The following PRR3 variants were observed in gnomAD, a reference collection of about 807,000 sequenced individuals.
PRR3 encodes proline-rich protein 3.
A neutral mutation model predicts 22.4 loss-of-function variants in PRR3; 16 were observed. The observed-to-expected ratio is 0.71, with a 90% confidence interval of 0.48 to 1.09. PRR3 has a LOEUF of 1.09. Among genes scored for constraint, PRR3 ranks in the 50% least tolerant of loss-of-function variants. The pLI, the probability that PRR3 is intolerant of heterozygous loss-of-function variation, is 0.00. For missense variants in PRR3, 224 were observed against 243.4 expected (o/e 0.92, Z 0.53); for synonymous variants, 87 against 88.6 (o/e 0.98, Z 0.10).
At chr6:30,557,181 T>C (rs1235629454), upstream of PRR3, 1 of 712,250 alleles carries the variant, frequency 1.4e-6, no homozygotes, top group East Asian at 2.7e-5. Context: ...GGCAGTTGGC[T>C]CCGGAATGCG....
Position 30,561,297 on chromosome 6 carries a change from A to T in PRR3, c.170-537A>T, listed in dbSNP as rs776427684. ...ATACGTATGTGTAACAACATGTATAAAAATGTTTATAGTGGCATTTCTCGT... is the reference window on the plus strand; with the variant it reads ...ATACGTATGTGTAACAACATGTATATAAATGTTTATAGTGGCATTTCTCGT... On this transcript the variant is annotated intron_variant, in intron 2 of 3. Transcript: ENST00000376560. This position sits in a 1 kb window ranked among gnomAD's most constrained non-coding sequence, Gnocchi z 4.0. The T allele has an allele frequency of 2.2e-6, 1 of 454,436 alleles. No homozygotes were observed. The highest frequency in any genetic ancestry group is 1.6e-5 in the South Asian group (1 of 63,712). The allele number at this position is 454,436 out of a possible 1,614,324, so 28.2% of individuals were successfully genotyped here. A position where few individuals can be genotyped will look rare whatever the true frequency, so the allele number is the denominator to read the frequency against.
chr6:30,559,861 C>T lies in PRR3; in HGVS notation c.169+1649C>T, dbSNP rs576924207. ...CTTGAGATATTTGCAGACTCATGTT[C>T]ATAGCAGCAGTATTCACAATAACAA... On this transcript the variant is annotated intron_variant, in intron 2 of 3. Coordinates refer to ENST00000376560, the MANE Select transcript of PRR3 (RefSeq NM_025263.4). 5.9e-5 allele frequency among the ~76,000 whole-genome samples: 9 copies of T among 151,636 alleles called. No homozygotes were observed. In the East Asian group the frequency reaches 1.5e-3, roughly 26 times the overall value.
chr6:30,557,246 C>A, upstream of PRR3: 1 of 900,660 alleles, frequency 1.1e-6, no homozygotes, highest in Non-Finnish European at 1.8e-6. Context: ...GGAGCCTCAG[C>A]ATTGCTGCCC....
rs756558434 is a variant in PRR3 at position 30,558,212 on chromosome 6, G to A, written c.169G>A (p.Ala57Thr). Residue 57 changes from alanine to threonine, a missense_variant and splice_region_variant, in exon 2 of 4, where the codon GCT (alanine) becomes ACT (threonine). Physicochemically the swap from Ala to Thr is moderately conservative, Grantham distance 58 (BLOSUM62 0). Coordinates refer to ENST00000376560, the MANE Select transcript of PRR3 (RefSeq NM_025263.4). ...TGGAAAACCTGGCGACCCTAAGTCAGGTGAGGAGGAAGGGGCCCTGATCCT... is the reference window on the plus strand; with the variant it reads ...TGGAAAACCTGGCGACCCTAAGTCAAGTGAGGAGGAAGGGGCCCTGATCCT... Reference protein sequence around the residue: ...ANGKPGDPKSALHRGPPGSRG... With the variant: ...ANGKPGDPKSTLHRGPPGSRG... The A allele has an allele frequency of 8.1e-6, 13 of 1,612,796 alleles. No homozygotes were observed. Among genetic ancestry groups the A allele is most frequent in the Non-Finnish European group, 1.1e-5 (13 of 1,179,876 alleles).
At chr6:30,559,976 A>G (rs1800517729) in intron 2 of PRR3, 1 of 152,256 alleles carries the variant, frequency 6.6e-6, no homozygotes, top group South Asian at 2.1e-4. Context: ...ATGAAGGAAG[A>G]AAGTGCTGTC....
chr6:30,557,351 A>T lies in PRR3; in HGVS notation c.7A>T (p.Lys3Ter), dbSNP rs747562974. 2 of 1,612,254 alleles carry T rather than the reference A, an allele frequency of 1.2e-6. No homozygotes were observed. The highest frequency in any genetic ancestry group is 1.7e-6 in the Non-Finnish European group (2 of 1,179,796). The change falls in exon 1 of 4, where the codon AAA becomes TAA. Residue 3 changes from lysine to a stop codon, truncating the protein, a stop_gained. Transcript: ENST00000376560. LOFTEE classifies it high-confidence loss of function. ...AGCCATTGCCGCAGACACGATGCCGAAACGAAAGAAGCAGAATCATCACCA... is the reference window on the plus strand; with the variant it reads ...AGCCATTGCCGCAGACACGATGCCGTAACGAAAGAAGCAGAATCATCACCA... MP[K>*]RKKQNHHQPP...
At chr6:30,557,149 A>C (rs1280935147), upstream of PRR3, 2 of 703,212 alleles carry the variant, frequency 2.8e-6, no homozygotes, top group Non-Finnish European at 5.2e-6. Context: ...GGTTGCCGCC[A>C]TGCCTGGCAG....
chr6:30,559,057 G>A (rs1207090963), intron 2 of PRR3, among the ~76,000 whole-genome samples: 2 of 152,230 alleles, frequency 1.3e-5, no homozygotes, highest in African/African-American at 4.8e-5. Flanking sequence ...ATAAAGGAAA[G>A]ATTGATAAAT....
At chr6:30,557,205 T>C (rs41272993), upstream of PRR3, 2 of 752,322 alleles carry the variant, frequency 2.7e-6, no homozygotes, top group Non-Finnish European at 2.3e-6. Flanking sequence ...GCCGCAGATG[T>C]TCTCCGCAAC....
chr6:30,561,829 T>A lies in PRR3; in HGVS notation c.170-5T>A, dbSNP rs773858788. ...TTCTGTGTCTCTCTCTCTCTCTCTCTCCAGCTCTTCACAGAGGTCCTCCAG... is the reference window on the plus strand; with the variant it reads ...TTCTGTGTCTCTCTCTCTCTCTCTCACCAGCTCTTCACAGAGGTCCTCCAG... On this transcript the variant is annotated splice_polypyrimidine_tract_variant and splice_region_variant and intron_variant, in intron 2 of 3. Coordinates refer to ENST00000376560, the MANE Select transcript of PRR3 (RefSeq NM_025263.4). The surrounding 1 kb of genome is among the most constrained non-coding windows in gnomAD (Gnocchi z 4.0). The A allele has an allele frequency of 1.9e-6, 3 of 1,542,376 alleles. No homozygotes were observed. The highest frequency in any genetic ancestry group is 2.6e-6 in the Non-Finnish European group (3 of 1,143,000).
upstream of PRR3, chr6:30,557,189 G>A (rs2127385481): frequency 1.4e-6 from 1 of 720,342 alleles, no homozygotes; most frequent in African/African-American, 1.7e-5. Flanking sequence ...GCTCCGGAAT[G>A]CGGCCGCCGC....
At chr6:30,557,036 CTG>C (rs1246412139), upstream of PRR3, 4 of 699,068 alleles carry the variant, frequency 5.7e-6, no homozygotes, top group Admixed American at 4.0e-5. Context: ...CCTGTTGACT[CTG>C]TGACACACTC....
At chr6:30,556,725 C>T, upstream of PRR3, 1 of 379,264 alleles carries the variant, frequency 2.6e-6, no homozygotes, top group South Asian at 2.5e-5. The surrounding 1 kb of genome is among the most constrained non-coding windows in gnomAD (Gnocchi z 5.7). Flanking sequence ...GAGACTGCGT[C>T]CAGGTTGCTG....
chr6:30,560,270 C>A (rs559565838), intron 2 of PRR3: 71 of 152,364 alleles, frequency 4.7e-4, no homozygotes, highest in Non-Finnish European at 8.8e-4. Flanking sequence ...GTAGCTGAGG[C>A]ATGAGAATTG....
At position 30,557,358 on chromosome 6, in the gene PRR3, A is replaced by G; in HGVS notation, c.14A>G (p.Lys5Arg). MPKRKKQNHHQPPTQ... is the reference protein window; with the variant it reads MPKRRKQNHHQPPTQ... ...GCCGCAGACACGATGCCGAAACGAA[A>G]GAAGCAGAATCATCACCAGCCACCG... is the stretch of plus-strand genomic sequence containing the variant. Residue 5 changes from lysine to arginine, a missense_variant, in exon 1 of 4, where the codon AAG becomes AGG. Transcript: ENST00000376560. The G allele has an allele frequency of 1.9e-6, 3 of 1,612,608 alleles. No individual in the cohort carries two copies. Among genetic ancestry groups the G allele is most frequent in the Non-Finnish European group, 2.5e-6 (3 of 1,179,888 alleles).
intron 1 of PRR3, 150 bp from the exon 2 acceptor site, chr6:30,558,000 T>C (rs1227268017): frequency 6.2e-6 from 4 of 643,032 alleles, no homozygotes; most frequent in South Asian, 2.1e-5. Context: ...AAAGGGCAGA[T>C]AGATGGGGTG....
chr6:30,562,349 T>G (rs1347382613), intron 3 of PRR3, 40 bp from the exon 4 acceptor site: 2 of 1,476,206 alleles, frequency 1.4e-6, no homozygotes, highest in Non-Finnish European at 9.5e-7. Context: ...TTTTCTTTGT[T>G]GCTCAAATTT....
At chr6:30,556,732 G>T, upstream of PRR3, 2 of 389,168 alleles carry the variant, frequency 5.1e-6, no homozygotes, top group South Asian at 4.8e-5. The surrounding 1 kb of genome is among the most constrained non-coding windows in gnomAD (Gnocchi z 5.7). Flanking sequence ...CGTCCAGGTT[G>T]CTGGACTACA....
chr6:30,561,640 A>AT lies in PRR3; in HGVS notation c.170-193dup, dbSNP rs1800635335. 1 of 611,514 alleles carries AT rather than the reference A, an allele frequency of 1.6e-6. No individual in the cohort carries two copies. The highest frequency in any genetic ancestry group is 1.9e-5 in the African/African-American group (1 of 54,026). 37.9% of individuals were successfully genotyped at this position (611,514 alleles called of 1,614,324 possible). A position where few individuals can be genotyped will look rare whatever the true frequency, so the allele number is the denominator to read the frequency against. ...AAGGGGAGGATCTTTTGAGGTGCTA[A>AT]TAAGGCTTTATCTCTTCACCTGGTG... On this transcript the variant is annotated intron_variant, in intron 2 of 3. Transcript: ENST00000376560. This position sits in a 1 kb window ranked among gnomAD's most constrained non-coding sequence, Gnocchi z 4.0.
Sources: gnomAD v4.1 joint callset for allele counts (sites outside exome capture counted in the v4.1 genomes callset) on GRCh38, gnomAD v4.1.1 for gene constraint, Gnocchi (gnomAD v3.1) non-coding constraint, MANE v1.5 for transcripts, NCBI Gene and HGNC (gene_info 2026-07-23, HGNC 2026-07-21) for gene names.